The following ADAM12 variants were observed in gnomAD, a reference collection of about 807,000 sequenced individuals.
ADAM12 encodes the protein ADAM metallopeptidase domain 12, also known as disintegrin and metalloproteinase domain-containing protein 12.
In ADAM12, 70 loss-of-function variants were observed where a neutral mutation model predicts 106.4. That is an observed-to-expected ratio of 0.66 (90% CI 0.54 to 0.80). ADAM12 has a LOEUF of 0.80. Among genes scored for constraint, ADAM12 ranks in the 30% least tolerant of loss-of-function variants. The pLI is 0.00. For missense variants in ADAM12, 1,010 were observed against 1,171.9 expected (o/e 0.86, Z 2.02); for synonymous variants, 420 against 433.5 (o/e 0.97, Z 0.39).
rs1285778218 is a variant in ADAM12, at chr10:126,215,327, GCCT to G, written c.261-60025_261-60023del. 3.9e-5 allele frequency among the ~76,000 whole-genome samples: 6 copies of G among 152,314 alleles called. No homozygotes were observed. The South Asian group carries it at 1.0e-3, about 26-fold the overall frequency. ...CTCGGCACAGGGACAATCCCATGGT[GCCT>G]TCCTCTTTCCTGTGGCCTCTCCCTG... On this transcript the variant is annotated intron_variant, in intron 3 of 22. Transcript: ENST00000448723.
Position 126,016,004 on chromosome 10 carries a change from A to G in ADAM12, c.*1275T>C, listed in dbSNP as rs1357984834. ...AGTTGATAAGCAAGTTGATTTCCTT[A>G]TCACATTCTGTGATGCTCAACAGGT... On this transcript the variant is annotated 3_prime_UTR_variant, in exon 23 of 23. Transcript: ENST00000448723. 2 of 152,212 alleles carry G rather than the reference A, an allele frequency of 1.3e-5. No individual in the cohort carries two copies. The highest frequency in any genetic ancestry group is 4.8e-5 in the African/African-American group (2 of 41,460). The allele number at this position is 152,212 out of a possible 1,614,324, so 9.4% of individuals were successfully genotyped here.
intron 3 of ADAM12, among the ~76,000 whole-genome samples, chr10:126,266,326 A>G (rs1349869238): frequency 6.6e-6 from 1 of 152,150 alleles, no homozygotes; most frequent in Non-Finnish European, 1.5e-5. Context: ...GGGACGAGGC[A>G]GGGTACTGGG....
chr10:126,039,488 A>G, intron 18 of ADAM12, 59 bp from the exon 19 acceptor site: 4 of 1,605,720 alleles, frequency 2.5e-6, no homozygotes, highest in South Asian at 1.1e-5. Flanking sequence ...TATGGGAGGT[A>G]TCAAGTTGTG....
At chr10:126,148,707 A>G (rs1956674179) in intron 4 of ADAM12, among the ~76,000 whole-genome samples, 1 of 152,230 alleles carries the variant, frequency 6.6e-6, no homozygotes, top group South Asian at 2.1e-4. Context: ...ACAGAGTCAG[A>G]TGAAGATCAA....
At chr10:126,364,842 T>A (rs1855857121) in intron 1 of ADAM12, among the ~76,000 whole-genome samples, 1 of 152,128 alleles carries the variant, frequency 6.6e-6, no homozygotes, top group Non-Finnish European at 1.5e-5. Context: ...TCCCTCACCA[T>A]CCCACCTTTG....
At position 126,388,212 on chromosome 10, in the gene ADAM12, GC is replaced by G. The variant is rs1173732715; in HGVS notation, c.-68del. ...GAGCGCTGCACCATCCCACGCGGGC[GC>G]CGAGCCGGGGCCGGGCGTCGCGACC... On this transcript the variant is annotated 5_prime_UTR_variant, in exon 1 of 23. Transcript: ENST00000448723. The surrounding 1 kb of genome is among the most constrained non-coding windows in gnomAD (Gnocchi z 4.4). 2 of 1,194,814 alleles carry G rather than the reference GC, an allele frequency of 1.7e-6. No individual in the cohort carries two copies. Among genetic ancestry groups the G allele is most frequent in the African/African-American group, 3.2e-5 (2 of 62,848 alleles). 74.0% of individuals were successfully genotyped at this position (1,194,814 alleles called of 1,614,324 possible).
chr10:126,151,536 T>A (rs1176234676), intron 4 of ADAM12, among the ~76,000 whole-genome samples: 1 of 152,150 alleles, frequency 6.6e-6, no homozygotes, highest in African/African-American at 2.4e-5. Context: ...TGCAACTACG[T>A]CCATAATTGA....
rs754859407 is a variant in ADAM12, at chr10:126,039,438, A to G, written c.2105-9T>C. 1.2e-6 allele frequency: 2 copies of G among 1,613,818 alleles called. No homozygotes were observed. Among genetic ancestry groups the G allele is most frequent in the South Asian group, 1.1e-5 (1 of 91,080 alleles). ...GGTTAAACCTTGGTTATCTGAAACA[A>G]AACACATGGGGCTCACAGAAGGAGG... On this transcript the variant is annotated splice_polypyrimidine_tract_variant and intron_variant, in intron 18 of 22. Coordinates refer to ENST00000448723, the MANE Select transcript of ADAM12 (RefSeq NM_001288973.2).
chr10:126,032,076 T>A (rs1261288360), intron 21 of ADAM12, among the ~76,000 whole-genome samples: 1 of 151,960 alleles, frequency 6.6e-6, no homozygotes, highest in Admixed American at 6.6e-5. Flanking sequence ...TTATAGAAAA[T>A]GAAATGGTTT....
intron 3 of ADAM12, among the ~76,000 whole-genome samples, chr10:126,226,519 C>T (rs1299003740): frequency 1.3e-5 from 2 of 152,270 alleles, no homozygotes; most frequent in East Asian, 3.9e-4. Context: ...ATTGGGCTGT[C>T]GACTCTGACG....
At chr10:126,116,980 C>A (rs116732265) in intron 6 of ADAM12, among the ~76,000 whole-genome samples, 1 of 152,016 alleles carries the variant, frequency 6.6e-6, no homozygotes, top group Non-Finnish European at 1.5e-5. Context: ...GAGACAACAA[C>A]GGGTTAGGAG....
At chr10:126,205,855 C>A (rs1590618132) in intron 3 of ADAM12, among the ~76,000 whole-genome samples, 1 of 152,096 alleles carries the variant, frequency 6.6e-6, no homozygotes, top group East Asian at 1.9e-4. Context: ...CAGTTGATAT[C>A]TTTTTAAATT....
chr10:126,388,170 C>T lies in ADAM12; in HGVS notation c.-25G>A, dbSNP rs1307668052. 9 of 1,205,244 alleles carry T rather than the reference C, an allele frequency of 7.5e-6. No individual in the cohort carries two copies. Among genetic ancestry groups the T allele is most frequent in the Non-Finnish European group, 9.3e-6 (9 of 970,832 alleles). 74.7% of individuals were successfully genotyped at this position (1,205,244 alleles called of 1,614,324 possible). On this transcript the variant is annotated 5_prime_UTR_variant, in exon 1 of 23. Transcript: ENST00000448723. This position sits in a 1 kb window ranked among gnomAD's most constrained non-coding sequence, Gnocchi z 4.4. The stretch of plus-strand genomic sequence containing the variant: ...TCGTCGCCGGCCTTCAGTGCAGCAG[C>T]TCTCGGGCCCGGCGGCGAGCGCTGC...
At chr10:126,377,285 A>G (rs1049582796) in intron 1 of ADAM12, among the ~76,000 whole-genome samples, 4 of 152,176 alleles carry the variant, frequency 2.6e-5, no homozygotes, top group South Asian at 2.1e-4. Flanking sequence ...GAGTTTATTA[A>G]GGAGTATTAA....
At position 126,178,406 on chromosome 10, in the gene ADAM12, ATCTTTTTTT is replaced by A. The variant is rs1204266317; in HGVS notation, c.261-23110_261-23102del. The stretch of plus-strand genomic sequence containing the variant: ...CTTACCTTAGTCCTCATTGGAGGAC[ATCTTTTTTT>A]TTTTTTTTTTTTTTTTTGGATAAAC... On this transcript the variant is annotated intron_variant, in intron 3 of 22. Transcript: ENST00000448723. Among the ~76,000 whole-genome samples, 709 of 120,886 alleles carry A rather than the reference ATCTTTTTTT, an allele frequency of 5.9e-3. 7 individuals are homozygous for A. The highest frequency in any genetic ancestry group is 0.024 in the African/African-American group (683 of 27,944). 79.3% of individuals were successfully genotyped at this position (120,886 alleles called of 152,430 possible).
At chr10:126,225,899 C>T (rs1958184921) in intron 3 of ADAM12, among the ~76,000 whole-genome samples, 1 of 152,148 alleles carries the variant, frequency 6.6e-6, no homozygotes, top group Admixed American at 6.5e-5. Flanking sequence ...TAACTCCAGC[C>T]TCCCTTCCAA....
intron 3 of ADAM12, among the ~76,000 whole-genome samples, chr10:126,157,824 C>A (rs760841177): frequency 1.7e-4 from 21 of 121,380 alleles, no homozygotes; most frequent in Middle Eastern, 4.6e-3. Flanking sequence ...TCACAGGGCA[C>A]CCTGGCCCTG....
chr10:126,342,944 C>T (rs952242724), intron 1 of ADAM12, among the ~76,000 whole-genome samples: 2 of 152,090 alleles, frequency 1.3e-5, no homozygotes, highest in African/African-American at 2.4e-5. Context: ...GCAGGGTTCC[C>T]TCCTCCTCTC....
intron 4 of ADAM12, among the ~76,000 whole-genome samples, chr10:126,139,643 C>T (rs559398246): frequency 6.4e-4 from 96 of 150,464 alleles, no homozygotes; most frequent in African/African-American, 2.1e-3. Context: ...AGATAGTGGG[C>T]GCTGGGGGTG....
Sources: gnomAD v4.1 joint callset for allele counts (sites outside exome capture counted in the v4.1 genomes callset) on GRCh38, gnomAD v4.1.1 for gene constraint, Gnocchi (gnomAD v3.1) non-coding constraint, MANE v1.5 for transcripts, NCBI Gene and HGNC (gene_info 2026-07-23, HGNC 2026-07-21) for gene names.